Variants in WWOX observed in about 807,000 individuals in gnomAD.
WWOX encodes the protein WW domain-containing oxidoreductase.
Under a neutral mutation model 46.2 loss-of-function variants are expected in WWOX, and 69 were observed. The observed-to-expected ratio is 1.49, with a 90% CI of 1.23 to 1.82. The LOEUF (loss-of-function observed/expected upper bound fraction) is 1.82. Among genes scored for constraint, WWOX ranks in the 40% most tolerant of loss-of-function variants. WWOX has a pLI of 0.00. For synonymous variants in WWOX, 359 were observed against 202.6 expected, an observed-to-expected ratio of 1.77 and a Z score of -6.56; for missense variants, 919 against 542.6, an observed-to-expected ratio of 1.69 and a Z score of -6.89.
At chr16:78,815,561 C>G (rs1015934454) in intron 8 of WWOX, among the ~76,000 whole-genome samples, 4 of 152,182 alleles carry the variant, frequency 2.6e-5, no homozygotes, top group Admixed American at 2.0e-4. Flanking sequence ...ATGATGACCT[C>G]CTTGCCCAAT....
At chr16:79,171,865 A>G (rs1487220646) in intron 8 of WWOX, among the ~76,000 whole-genome samples, 1 of 152,218 alleles carries the variant, frequency 6.6e-6, no homozygotes, top group Non-Finnish European at 1.5e-5. Context: ...AACAAATATG[A>G]TCACAGAAGC....
intron 8 of WWOX, among the ~76,000 whole-genome samples, chr16:78,820,563 C>G (rs969619513): frequency 6.6e-6 from 1 of 152,134 alleles, no homozygotes; most frequent in East Asian, 1.9e-4. Context: ...AGTGGATGAA[C>G]TTAGGATTAG....
intron 8 of WWOX, among the ~76,000 whole-genome samples, chr16:79,098,421 C>A (rs146031461): frequency 3.4e-3 from 512 of 152,312 alleles, no homozygotes; most frequent in Middle Eastern, 0.024. Flanking sequence ...TAACTAACCC[C>A]TCAGGGGTCA....
chr16:78,588,914 G>A (rs1047567961), intron 8 of WWOX, among the ~76,000 whole-genome samples: 1 of 152,152 alleles, frequency 6.6e-6, no homozygotes, highest in African/African-American at 2.4e-5. Context: ...AACTTCTCAG[G>A]AAGAAGTGGC....
chr16:78,484,533 C>T lies in WWOX; in HGVS notation c.1056+51781C>T, dbSNP rs532937509. Reference sequence around the variant, plus strand: ...GCTGCATTTATATCTGCGTGTTATCCACAATTGACTTATAGTCTAATAATC... The same window carrying T: ...GCTGCATTTATATCTGCGTGTTATCTACAATTGACTTATAGTCTAATAATC... On this transcript the variant is annotated intron_variant, in intron 8 of 8. Transcript: ENST00000566780. Among the ~76,000 whole-genome samples the T allele has an allele frequency of 5.9e-5, 9 of 152,234 alleles. No homozygotes were observed. The South Asian group carries it at 1.9e-3, about 32-fold the overall frequency.
At chr16:78,922,294 A>G (rs1017820749) in intron 8 of WWOX, among the ~76,000 whole-genome samples, 21 of 152,120 alleles carry the variant, frequency 1.4e-4, no homozygotes, top group Admixed American at 2.0e-4. Flanking sequence ...CCTAAATCAC[A>G]TTAAGAGTCT....
intron 8 of WWOX, among the ~76,000 whole-genome samples, chr16:78,990,933 AAAG>A (rs557279746): frequency 4.5e-4 from 68 of 152,346 alleles, no homozygotes; most frequent in Non-Finnish European, 7.9e-4. Flanking sequence ...TCATGCTGAG[AAAG>A]AAGAACCGAC....
intron 8 of WWOX, among the ~76,000 whole-genome samples, chr16:78,791,202 A>C (rs1288261020): frequency 6.6e-6 from 1 of 151,974 alleles, no homozygotes; most frequent in African/African-American, 2.4e-5. Context: ...TATCTGCGTA[A>C]GGTGCCGGGA....
chr16:79,061,586 G>A (rs181477108), intron 8 of WWOX, among the ~76,000 whole-genome samples: 13 of 152,170 alleles, frequency 8.5e-5, no homozygotes, highest in Non-Finnish European at 1.8e-4. Flanking sequence ...GAGACACTGG[G>A]ACAGAGAACA....
intron 8 of WWOX, among the ~76,000 whole-genome samples, chr16:78,864,624 C>T (rs918449494): frequency 6.6e-6 from 1 of 152,042 alleles, no homozygotes; most frequent in Non-Finnish European, 1.5e-5. Context: ...GTGATTCTGG[C>T]TGTGTCTGTT....
chr16:78,849,597 A>G (rs1377937748), intron 8 of WWOX, among the ~76,000 whole-genome samples: 1 of 151,142 alleles, frequency 6.6e-6, no homozygotes, highest in African/African-American at 2.4e-5. Context: ...AAAAAAGAAA[A>G]CAACTACAAC....
chr16:78,986,542 G>C (rs529738840), intron 8 of WWOX, among the ~76,000 whole-genome samples: 1 of 152,272 alleles, frequency 6.6e-6, no homozygotes, highest in African/African-American at 2.4e-5. Flanking sequence ...CAGAGAGTGA[G>C]GATAAATAAG....
chr16:78,840,611 C>G (rs79876077), intron 8 of WWOX, among the ~76,000 whole-genome samples: 2 of 152,042 alleles, frequency 1.3e-5, no homozygotes, highest in East Asian at 1.9e-4. Flanking sequence ...AGTAGTTGCT[C>G]CAAATGTGAT....
At chr16:78,276,527 C>G (rs1340271111) in intron 5 of WWOX, among the ~76,000 whole-genome samples, 4 of 152,354 alleles carry the variant, frequency 2.6e-5, no homozygotes, top group African/African-American at 9.6e-5. Flanking sequence ...TCCCTTTTCT[C>G]ATAACTGCTG....
At chr16:79,069,190 A>G (rs972728449) in intron 8 of WWOX, among the ~76,000 whole-genome samples, 4 of 152,162 alleles carry the variant, frequency 2.6e-5, no homozygotes, top group African/African-American at 9.7e-5. Context: ...TATCCTCTTG[A>G]CCTGGAATGG....
chr16:78,437,369 A>C (rs1388698992), intron 8 of WWOX, among the ~76,000 whole-genome samples: 1 of 152,244 alleles, frequency 6.6e-6, no homozygotes, highest in African/African-American at 2.4e-5. Flanking sequence ...TTCTTGTGCA[A>C]CTTTATTAAA....
intron 8 of WWOX, among the ~76,000 whole-genome samples, chr16:79,058,881 A>G (rs1756913456): frequency 6.6e-6 from 1 of 152,252 alleles, no homozygotes; most frequent in Admixed American, 6.5e-5. Context: ...CAGAAGAACC[A>G]GAGAAGGACT....
At chr16:78,571,590 T>G (rs1438538715) in intron 8 of WWOX, among the ~76,000 whole-genome samples, 1 of 152,170 alleles carries the variant, frequency 6.6e-6, no homozygotes, top group Non-Finnish European at 1.5e-5. Flanking sequence ...TGCAGTTGGC[T>G]GGGTGCAGTG....
intron 6 of WWOX, among the ~76,000 whole-genome samples, chr16:78,422,518 G>C (rs2082956310): frequency 6.7e-6 from 1 of 149,862 alleles, no homozygotes; most frequent in Admixed American, 6.7e-5. Context: ...CTCACTTTCG[G>C]GTGGTTGTTG....
Sources: allele counts gnomAD v4.1 joint callset (sites outside exome capture counted in the v4.1 genomes callset), GRCh38; gene constraint gnomAD v4.1.1; transcripts MANE v1.5; gene names NCBI Gene and HGNC (gene_info 2026-07-23, HGNC 2026-07-21).